The following EEFSEC variants were observed in gnomAD, a reference collection of about 807,000 sequenced individuals.
EEFSEC encodes the protein selenocysteine-specific elongation factor.
In EEFSEC, 43 loss-of-function variants were observed where a neutral mutation model predicts 42.1. That is an observed-to-expected ratio of 1.02 (90% CI 0.80 to 1.32). EEFSEC has a LOEUF of 1.32. Ranked by LOEUF, EEFSEC falls within the 40% of genes most tolerant of loss-of-function variation. The pLI is 0.00. For synonymous variants in EEFSEC, 354 were observed against 339.1 expected, an observed-to-expected ratio of 1.04 and a Z score of -0.48; for missense variants, 745 against 803.6, an observed-to-expected ratio of 0.93 and a Z score of 0.88.
chr3:128,189,304 A>G (rs2065497233), intron 1 of EEFSEC, among the ~76,000 whole-genome samples: 2 of 152,196 alleles, frequency 1.3e-5, no homozygotes, highest in Non-Finnish European at 1.5e-5. Flanking sequence ...TGGAAGGTAT[A>G]TATGATGGTG....
At chr3:128,172,505 C>T (rs1452427815) in intron 1 of EEFSEC, among the ~76,000 whole-genome samples, 3 of 152,194 alleles carry the variant, frequency 2.0e-5, no homozygotes, top group Non-Finnish European at 2.9e-5. Context: ...TGCTGTGTTG[C>T]GCAGGTTGGT....
intron 6 of EEFSEC, among the ~76,000 whole-genome samples, chr3:128,405,169 AC>A (rs1200007693): frequency 1.3e-5 from 2 of 152,016 alleles, no homozygotes; most frequent in African/African-American, 4.8e-5. Context: ...GGTGCCCGCC[AC>A]CACGCCCGGC....
intron 4 of EEFSEC, among the ~76,000 whole-genome samples, chr3:128,323,373 G>A (rs1347852755): frequency 2.0e-5 from 3 of 152,166 alleles, no homozygotes; most frequent in East Asian, 1.9e-4. Context: ...CAGACACAGT[G>A]GAACGAAGGG....
Position 128,381,771 on chromosome 3 carries a change from G to A in EEFSEC, c.1600+23398G>A, listed in dbSNP as rs192311214. Among the ~76,000 whole-genome samples, 803 of 152,292 alleles carry A rather than the reference G, an allele frequency of 5.3e-3. 4 individuals carry two copies. The highest frequency in any genetic ancestry group is 7.2e-3 in the Non-Finnish European group (492 of 68,022). On this transcript the variant is annotated intron_variant, in intron 6 of 6. Transcript: ENST00000254730. ...TCGTGGGGCCTGCAGGAAATGCAGG[G>A]CACTTCTAAGGAAGCAGCACCCAGG...
chr3:128,186,432 A>G (rs1454148956), intron 1 of EEFSEC, among the ~76,000 whole-genome samples: 1 of 152,224 alleles, frequency 6.6e-6, no homozygotes, highest in African/African-American at 2.4e-5. Context: ...TTTTTGAAAC[A>G]TTCAAGTTTA....
At chr3:128,410,741 T>C (rs2068168143), downstream of EEFSEC, among the ~76,000 whole-genome samples, 1 of 151,818 alleles carries the variant, frequency 6.6e-6, no homozygotes, top group Non-Finnish European at 1.5e-5. Context: ...GCCCCACACA[T>C]CTCCCACTGA....
chr3:128,332,219 A>G (rs1464458026), intron 4 of EEFSEC, among the ~76,000 whole-genome samples: 4 of 152,330 alleles, frequency 2.6e-5, no homozygotes, highest in South Asian at 2.1e-4. Flanking sequence ...CACAAATATG[A>G]ATAGATGTCA....
chr3:128,240,951 G>A (rs1039993180), intron 1 of EEFSEC, among the ~76,000 whole-genome samples: 2 of 152,324 alleles, frequency 1.3e-5, no homozygotes, highest in South Asian at 2.1e-4. Flanking sequence ...TAAGGCTCTC[G>A]CCCTGGAGTC....
intron 1 of EEFSEC, among the ~76,000 whole-genome samples, chr3:128,181,235 A>G (rs1467713910): frequency 1.3e-5 from 2 of 152,184 alleles, no homozygotes; most frequent in Admixed American, 6.5e-5. Context: ...CAGCCTTTCT[A>G]TTTCAGATGA....
At chr3:128,211,848 C>CTTTTTTTTTTTTT (rs34885945) in intron 1 of EEFSEC, among the ~76,000 whole-genome samples, 16 of 51,698 alleles carry the variant, frequency 3.1e-4, no homozygotes, top group African/African-American at 4.9e-4. Context: ...TTTTTCTTTT[C>CTTTTTTTTTTTTT]TTTTTTTTTT....
chr3:128,347,788 A>G (rs967474883), intron 5 of EEFSEC, among the ~76,000 whole-genome samples: 1 of 152,200 alleles, frequency 6.6e-6, no homozygotes, highest in Admixed American at 6.5e-5. Context: ...AAAATAAAAC[A>G]GTAGAAACCT....
At chr3:128,344,322 G>A (rs2067288150) in intron 5 of EEFSEC, among the ~76,000 whole-genome samples, 1 of 152,258 alleles carries the variant, frequency 6.6e-6, no homozygotes, top group African/African-American at 2.4e-5. Context: ...CCCTGAGGAA[G>A]AGGTCATTAT....
At chr3:128,219,774 GAA>G (rs63599162) in intron 1 of EEFSEC, among the ~76,000 whole-genome samples, 1 of 133,188 alleles carries the variant, frequency 7.5e-6, no homozygotes, top group Non-Finnish European at 1.6e-5. Flanking sequence ...ATAGACACTA[GAA>G]AAAAAAAAAA....
At chr3:128,358,430 G>A (rs942811455) in intron 6 of EEFSEC, 57 bp downstream of exon 6, 92 of 1,588,446 alleles carry the variant, frequency 5.8e-5, no homozygotes, top group Non-Finnish European at 9.5e-6. Flanking sequence ...CAGAGAGATG[G>A]CAGAGGTGAT....
chr3:128,385,031 A>T (rs2067822396), intron 6 of EEFSEC, among the ~76,000 whole-genome samples: 2 of 152,184 alleles, frequency 1.3e-5, no homozygotes. Flanking sequence ...TTATGATTTT[A>T]CCAAACCCCA....
intron 1 of EEFSEC, among the ~76,000 whole-genome samples, chr3:128,230,087 T>C (rs1331964572): frequency 1.3e-5 from 2 of 150,682 alleles, no homozygotes; most frequent in African/African-American, 2.4e-5. Flanking sequence ...CCGCTTTCTG[T>C]CATTCTTTCG....
chr3:128,392,952 T>A (rs919627408), intron 6 of EEFSEC, among the ~76,000 whole-genome samples: 3 of 152,064 alleles, frequency 2.0e-5, no homozygotes, highest in Non-Finnish European at 4.4e-5. Context: ...TTTCCCTTGG[T>A]TTTCAGGGTC....
At chr3:128,254,221 C>G (rs1337757584) in intron 2 of EEFSEC, among the ~76,000 whole-genome samples, 1 of 152,170 alleles carries the variant, frequency 6.6e-6, no homozygotes, top group Middle Eastern at 3.2e-3. Context: ...TTGCTTCTGG[C>G]TGGGGAGTCA....
intron 1 of EEFSEC, among the ~76,000 whole-genome samples, chr3:128,188,059 G>A (rs556164907): frequency 1.3e-5 from 2 of 152,302 alleles, no homozygotes; most frequent in Admixed American, 6.5e-5. Context: ...GCAGCAGACA[G>A]GTCTGTGGTT....
Sources: allele counts gnomAD v4.1 joint callset (sites outside exome capture counted in the v4.1 genomes callset), GRCh38; gene constraint gnomAD v4.1.1; transcripts MANE v1.5; gene names NCBI Gene and HGNC (gene_info 2026-07-23, HGNC 2026-07-21).